The following TOX4 variants were observed in gnomAD, a reference collection of about 807,000 sequenced individuals.
The protein encoded by TOX4 is epidermal Langerhans cell protein LCP1.
A neutral mutation model predicts 61.0 loss-of-function variants in TOX4; 12 were observed. That is an observed-to-expected ratio of 0.20 (90% CI 0.13 to 0.32). TOX4 has a LOEUF of 0.32. TOX4 is among the 10% of genes least tolerant of loss of function. The pLI, the probability that TOX4 is intolerant of heterozygous loss-of-function variation, is 1.00. For synonymous variants in TOX4, 268 were observed against 274.8 expected (o/e 0.98, Z 0.24); for missense variants, 499 against 753.3 (o/e 0.66, Z 3.95).
chr14:21,483,431 A>G (rs1209115758), intron 2 of TOX4, among the ~76,000 whole-genome samples: 1 of 138,404 alleles, frequency 7.2e-6, no homozygotes, highest in Non-Finnish European at 1.5e-5. Flanking sequence ...AAATCTTTGT[A>G]CCTTCTACCT....
At chr14:21,490,991 A>G (rs1279239940) in intron 5 of TOX4, among the ~76,000 whole-genome samples, 1 of 152,148 alleles carries the variant, frequency 6.6e-6, no homozygotes, top group Admixed American at 6.5e-5. Context: ...ACACCCAGCT[A>G]ATGTTGTATT....
At chr14:21,477,731 G>A (rs1367203294) in intron 2 of TOX4, 167 bp downstream of exon 2, 2 of 658,314 alleles carry the variant, frequency 3.0e-6, no homozygotes, top group African/African-American at 3.6e-5. Context: ...GGACTATCTG[G>A]GGAAGTCTTG....
Position 21,488,646 on chromosome 14 carries a change from T to C in TOX4, c.375T>C (p.Asp125=), listed in dbSNP as rs1379707139. The change falls in exon 4 of 9, where the codon GAT becomes GAC. Residue 125 remains aspartate (D), a synonymous_variant. Coordinates refer to ENST00000448790, the MANE Select transcript of TOX4 (RefSeq NM_014828.4). ...GTGCCAACCCACCTGTTACAATTGA[T>C]GTACCAATGACAGACATGACATCTG... ...QYSANPPVTI[D]VPMTDMTSGL... is the part of the protein sequence containing the mutation. The C allele has an allele frequency of 6.2e-7, 1 of 1,614,178 alleles. No individual in the cohort carries two copies.
At chr14:21,477,897 T>G (rs1891029800) in intron 2 of TOX4, among the ~76,000 whole-genome samples, 1 of 152,214 alleles carries the variant, frequency 6.6e-6, no homozygotes, top group South Asian at 2.1e-4. Context: ...AAGAAAATGT[T>G]TCAGCAGCTG....
intron 7 of TOX4, among the ~76,000 whole-genome samples, 170 bp downstream of exon 7, chr14:21,493,427 A>T (rs1295140083): frequency 6.6e-6 from 1 of 151,634 alleles, no homozygotes; most frequent in Non-Finnish European, 1.5e-5. Context: ...TACCCAAGGT[A>T]CTCATACTGT....
intron 7 of TOX4, among the ~76,000 whole-genome samples, chr14:21,494,605 C>T (rs1376014038): frequency 6.6e-6 from 1 of 152,150 alleles, no homozygotes; most frequent in Non-Finnish European, 1.5e-5. Flanking sequence ...AAAAAATTAG[C>T]CGGGCATGGT....
At chr14:21,493,386 A>T in intron 7 of TOX4, 129 bp downstream of exon 7, 1 of 970,152 alleles carries the variant, frequency 1.0e-6, no homozygotes, top group Non-Finnish European at 1.4e-6. Flanking sequence ...CATCCTGCAG[A>T]TGGGAGTTCC....
chr14:21,493,312 G>T, intron 7 of TOX4, 55 bp downstream of exon 7: 3 of 1,529,598 alleles, frequency 2.0e-6, no homozygotes, highest in Non-Finnish European at 2.6e-6. Flanking sequence ...AAATGTTTTT[G>T]GTTGACCCAA....
At chr14:21,494,993 T>C (rs1891370810) in intron 7 of TOX4, among the ~76,000 whole-genome samples, 1 of 152,020 alleles carries the variant, frequency 6.6e-6, no homozygotes. Context: ...AAAAAAGCAT[T>C]AGCACATGGC....
At chr14:21,490,261 G>C (rs950052672) in intron 5 of TOX4, among the ~76,000 whole-genome samples, 4 of 151,612 alleles carry the variant, frequency 2.6e-5, no homozygotes, top group African/African-American at 9.7e-5. Flanking sequence ...GGCGGATTAC[G>C]AAGTCAGGAG....
In TOX4 at chr14:21,497,476, GTACA is replaced by G. The variant is rs1003247479; in HGVS notation, c.*873_*876del. The G allele has an allele frequency of 2.7e-5, 4 of 149,882 alleles. No homozygotes were observed. Among genetic ancestry groups the G allele is most frequent in the Non-Finnish European group, 5.9e-5 (4 of 67,722 alleles). The allele number at this position is 149,882 out of a possible 1,614,324, so 9.3% of individuals were successfully genotyped here. ...GAGAACCTCCTCCTCAACCAGCTACGTACATAGTTTTATCCTATGCATTCCTGTT... is the reference window on the plus strand; with the variant it reads ...GAGAACCTCCTCCTCAACCAGCTACGTAGTTTTATCCTATGCATTCCTGTT... On this transcript the variant is annotated 3_prime_UTR_variant, in exon 9 of 9. Coordinates refer to ENST00000448790, the MANE Select transcript of TOX4 (RefSeq NM_014828.4).
chr14:21,481,147 C>A (rs777607876), intron 2 of TOX4, among the ~76,000 whole-genome samples: 1 of 152,136 alleles, frequency 6.6e-6, no homozygotes, highest in Non-Finnish European at 1.5e-5. Context: ...CAAAAGAAGA[C>A]GTCCAAATTG....
chr14:21,485,356 G>A lies in TOX4; in HGVS notation c.76-2095G>A, dbSNP rs200427033. On this transcript the variant is annotated intron_variant, in intron 2 of 8. Coordinates refer to ENST00000448790, the MANE Select transcript of TOX4 (RefSeq NM_014828.4). The stretch of plus-strand genomic sequence containing the variant: ...CTTGAACCTGGGAGGCGGAGGTTGC[G>A]GTGAGCTGAGATCACGCCATTGCAC... 6.9e-5 allele frequency among the ~76,000 whole-genome samples: 7 copies of A among 101,626 alleles called. 2 individuals are homozygous for A. Among genetic ancestry groups the A allele is most frequent in the African/African-American group, 2.6e-4 (7 of 26,654 alleles). 66.7% of individuals were successfully genotyped at this position (101,626 alleles called of 152,430 possible).
intron 5 of TOX4, among the ~76,000 whole-genome samples, chr14:21,491,063 G>A (rs541691997): frequency 6.6e-6 from 1 of 152,380 alleles, no homozygotes; most frequent in East Asian, 1.9e-4. Flanking sequence ...GACCTCAGGT[G>A]ATCCGCCTGC....
rs774223840 is a variant in TOX4, at chr14:21,492,744, C to G, written c.1128C>G (p.Pro376=). The G allele has an allele frequency of 2.4e-5, 39 of 1,614,112 alleles. No individual in the cohort carries two copies. The South Asian group carries it at 3.4e-4, about 14-fold the overall frequency. ...TGATTATTACCAAACAAATGTTGCCCTCTTCTATTACTATGTCTCAAGGAG... is the reference window on the plus strand; with the variant it reads ...TGATTATTACCAAACAAATGTTGCCGTCTTCTATTACTATGTCTCAAGGAG... ...TKLIITKQML[P]SSITMSQGGM... is the part of the protein sequence containing the mutation. The change falls in exon 7 of 9, where the codon CCC becomes CCG. Residue 376 remains proline (P), a synonymous_variant. Coordinates refer to ENST00000448790, the MANE Select transcript of TOX4 (RefSeq NM_014828.4).
Position 21,489,330 on chromosome 14 carries a change from C to G in TOX4, c.737C>G (p.Pro246Arg). The change falls in exon 5 of 9, where the codon CCT becomes CGT. Residue 246 changes from proline (P) to arginine (R), a missense_variant. Coordinates refer to ENST00000448790, the MANE Select transcript of TOX4 (RefSeq NM_014828.4). Reference sequence around the variant, plus strand: ...CAGGCTGCCATCAAGGGACAGAATCCTAATGCCACTTTTGGTGAGGTTTCA... The same window carrying G: ...CAGGCTGCCATCAAGGGACAGAATCGTAATGCCACTTTTGGTGAGGTTTCA... Reference protein sequence around the residue: ...DTQAAIKGQNPNATFGEVSKI... With the variant: ...DTQAAIKGQNRNATFGEVSKI... 1.2e-6 allele frequency: 2 copies of G among 1,614,158 alleles called. No homozygotes were observed. Among genetic ancestry groups the G allele is most frequent in the Non-Finnish European group, 1.7e-6 (2 of 1,180,034 alleles).
intron 7 of TOX4, 99 bp downstream of exon 7, chr14:21,493,356 C>T (rs970002779): frequency 6.6e-6 from 9 of 1,371,606 alleles, no homozygotes; most frequent in African/African-American, 1.5e-5. Flanking sequence ...ATTTAATGCC[C>T]AGCAACCAGG....
chr14:21,478,820 T>G (rs1179010234), intron 2 of TOX4, among the ~76,000 whole-genome samples: 1 of 152,010 alleles, frequency 6.6e-6, no homozygotes, highest in Non-Finnish European at 1.5e-5. Context: ...CTTTCTTTTT[T>G]TTTTTGAGAC....
In TOX4 at chr14:21,493,106, C is replaced by T. The variant is rs1482563725; in HGVS notation, c.1490C>T (p.Pro497Leu). ...CCTCCTCTGCAGATCAAGAGTGTGC[C>T]TCTACCCACTTTGAAAATGCAGACT... ...QPPPLQIKSV[P>L]LPTLKMQTTL... Residue 497 changes from proline (P) to leucine (L), a missense_variant, in exon 7 of 9, where the codon CCT becomes CTT. Physicochemically the swap from Pro to Leu is moderately conservative, Grantham distance 98 (BLOSUM62 -3). Transcript: ENST00000448790. 1.2e-6 allele frequency: 2 copies of T among 1,614,000 alleles called. No individual in the cohort carries two copies. Among genetic ancestry groups the T allele is most frequent in the African/African-American group, 1.3e-5 (1 of 74,894 alleles).
Sources: allele counts gnomAD v4.1 joint callset (sites outside exome capture counted in the v4.1 genomes callset), GRCh38; gene constraint gnomAD v4.1.1; transcripts MANE v1.5; gene names NCBI Gene and HGNC (gene_info 2026-07-23, HGNC 2026-07-21).